The following PCP4 variants were observed in gnomAD, a reference collection of about 807,000 sequenced individuals.
PCP4 encodes the protein Purkinje cell protein 4.
PCP4 carries 8 observed loss-of-function variants against 10.0 expected under a neutral mutation model. The ratio of observed to expected loss-of-function variants is 0.80; its 90% confidence interval spans 0.47 to 1.45. The LOEUF (loss-of-function observed/expected upper bound fraction) is 1.45. Among genes scored for constraint, PCP4 ranks in the 40% most tolerant of loss-of-function variants. PCP4 has a pLI of 0.00. For synonymous variants in PCP4, 21 were observed against 23.0 expected (o/e 0.91, Z 0.24); for missense variants, 54 against 74.4 (o/e 0.73, Z 1.01).
chr21:39,907,727 G>T (rs1391874611), intron 2 of PCP4, among the ~76,000 whole-genome samples: 1 of 152,108 alleles, frequency 6.6e-6, no homozygotes, highest in Non-Finnish European at 1.5e-5. Flanking sequence ...AACCCAGGAG[G>T]CGGAGATTGA....
intron 2 of PCP4, among the ~76,000 whole-genome samples, chr21:39,903,640 G>A (rs868043051): frequency 1.3e-5 from 2 of 151,910 alleles, no homozygotes; most frequent in Non-Finnish European, 2.9e-5. Flanking sequence ...AGGCCGAGGC[G>A]GGCGGATCAC....
At chr21:39,905,950 T>C (rs1351412637) in intron 2 of PCP4, among the ~76,000 whole-genome samples, 1 of 152,148 alleles carries the variant, frequency 6.6e-6, no homozygotes, top group African/African-American at 2.4e-5. Flanking sequence ...CTCAGGAGGC[T>C]GAGGCAGGAG....
chr21:39,907,009 A>T (rs2059023122), intron 2 of PCP4, among the ~76,000 whole-genome samples: 1 of 152,212 alleles, frequency 6.6e-6, no homozygotes, highest in Admixed American at 6.5e-5. Flanking sequence ...CACAGCAGGC[A>T]GTTTTTCAGA....
At chr21:39,909,494 C>T (rs1490724670) in intron 2 of PCP4, among the ~76,000 whole-genome samples, 3 of 152,162 alleles carry the variant, frequency 2.0e-5, no homozygotes, top group African/African-American at 4.8e-5. Flanking sequence ...TTCTTATTCA[C>T]CTGCTGGGAT....
At chr21:39,927,003 C>A (rs1241278361) in intron 2 of PCP4, among the ~76,000 whole-genome samples, 4 of 152,206 alleles carry the variant, frequency 2.6e-5, no homozygotes, top group African/African-American at 4.8e-5. Context: ...TGAGCATTGG[C>A]AGCAAGTTTG....
intron 2 of PCP4, chr21:39,916,335 T>G (rs1233818618): frequency 6.6e-6 from 1 of 152,226 alleles, no homozygotes; most frequent in East Asian, 1.9e-4. Context: ...TTTCTTTATA[T>G]AATATTTCTC....
At chr21:39,908,467 G>T (rs776030636) in intron 2 of PCP4, among the ~76,000 whole-genome samples, 10 of 152,214 alleles carry the variant, frequency 6.6e-5, no homozygotes, top group Non-Finnish European at 1.0e-4. Flanking sequence ...GGCCAACTGG[G>T]AAATGGGGAA....
At chr21:39,882,628 G>A (rs1174333563) in intron 1 of PCP4, among the ~76,000 whole-genome samples, 1 of 152,226 alleles carries the variant, frequency 6.6e-6, no homozygotes, top group African/African-American at 2.4e-5. Flanking sequence ...TCCTCGGAGG[G>A]ACAGGCAGGC....
chr21:39,898,323 C>G, intron 1 of PCP4, 153 bp from the exon 2 acceptor site: 1 of 748,130 alleles, frequency 1.3e-6, no homozygotes, highest in South Asian at 1.4e-5. Flanking sequence ...TGGATCCATT[C>G]CTACTCTCAC....
intron 2 of PCP4, among the ~76,000 whole-genome samples, chr21:39,914,588 GA>G (rs1208719253): frequency 3.2e-5 from 2 of 62,726 alleles, no homozygotes; most frequent in Non-Finnish European, 6.7e-5. Context: ...AAAAAAAAAA[GA>G]AAAAAAAAAG....
At chr21:39,913,380 A>G (rs148111770) in intron 2 of PCP4, among the ~76,000 whole-genome samples, 2 of 152,356 alleles carry the variant, frequency 1.3e-5, no homozygotes, top group Non-Finnish European at 2.9e-5. Flanking sequence ...CCGTCCCTAG[A>G]AATCAGCACC....
intron 2 of PCP4, among the ~76,000 whole-genome samples, chr21:39,922,597 C>A (rs2087601577): frequency 1.3e-5 from 2 of 152,216 alleles, no homozygotes; most frequent in Non-Finnish European, 2.9e-5. Context: ...CAGGGAGCAT[C>A]ATTTCTTCAT....
chr21:39,872,935 G>A (rs2146324176), intron 1 of PCP4, among the ~76,000 whole-genome samples: 1 of 152,262 alleles, frequency 6.6e-6, no homozygotes, highest in South Asian at 2.1e-4. Context: ...CGCAACATAA[G>A]TGCTCTCATG....
At chr21:39,876,973 G>A (rs78576367) in intron 1 of PCP4, among the ~76,000 whole-genome samples, 1 of 152,210 alleles carries the variant, frequency 6.6e-6, no homozygotes, top group Non-Finnish European at 1.5e-5. Context: ...AATCAGAGAA[G>A]GGCATCGTTG....
intron 1 of PCP4, among the ~76,000 whole-genome samples, chr21:39,882,031 A>C (rs1392142958): frequency 6.6e-6 from 1 of 152,184 alleles, no homozygotes; most frequent in Non-Finnish European, 1.5e-5. Context: ...GCTTGTTTCC[A>C]TGAGAGTGTT....
At chr21:39,888,965 T>C (rs1023728242) in intron 1 of PCP4, among the ~76,000 whole-genome samples, 16 of 152,190 alleles carry the variant, frequency 1.1e-4, no homozygotes, top group African/African-American at 3.9e-4. Context: ...GACACCACAG[T>C]CCTTTAACTA....
chr21:39,899,746 C>T (rs2087474146), intron 2 of PCP4, among the ~76,000 whole-genome samples: 1 of 152,060 alleles, frequency 6.6e-6, no homozygotes, highest in African/African-American at 2.4e-5. Flanking sequence ...TTCCTGTCTC[C>T]TGTGTGTGAG....
At position 39,928,457 on chromosome 21, in the gene PCP4, G is replaced by A. The variant is rs112991191; in HGVS notation, c.62-527G>A. Among the ~76,000 whole-genome samples the A allele has an allele frequency of 7.1e-3, 1,087 of 152,198 alleles. 14 individuals are homozygous for A. Among genetic ancestry groups the A allele is most frequent in the African/African-American group, 0.024 (1,013 of 41,492 alleles). On this transcript the variant is annotated intron_variant, in intron 2 of 2. Coordinates refer to ENST00000328619, the MANE Select transcript of PCP4 (RefSeq NM_006198.3). ...ATGTAAGCTTTGTGAAAGTTCAGTC[G>A]AACTGTGAAGGTCAAATGGTGTCAT...
chr21:39,879,674 C>T (rs2087362894), intron 1 of PCP4, among the ~76,000 whole-genome samples: 2 of 152,186 alleles, frequency 1.3e-5, no homozygotes, highest in African/African-American at 4.8e-5. Context: ...GCTGAAGAGT[C>T]AGGCAGATAC....
Sources: allele counts gnomAD v4.1 joint callset (sites outside exome capture counted in the v4.1 genomes callset), GRCh38; gene constraint gnomAD v4.1.1; transcripts MANE v1.5; gene names NCBI Gene and HGNC (gene_info 2026-07-23, HGNC 2026-07-21).